The following ABCD2 variants were observed in gnomAD, a reference collection of about 807,000 sequenced individuals.
ABCD2 encodes ATP binding cassette subfamily D member 2.
ABCD2 carries 36 observed loss-of-function variants against 70.9 expected under a neutral mutation model. The observed-to-expected ratio is 0.51, with a 90% CI of 0.39 to 0.67. The LOEUF (loss-of-function observed/expected upper bound fraction) is 0.67, where lower values mean the gene tolerates loss of function less well. Ranked by LOEUF, ABCD2 falls within the 30% of genes least tolerant of loss-of-function variation. The probability of loss-of-function intolerance (pLI) is 0.00; values close to 1 mark genes in which losing one functional copy is unlikely to be tolerated. For synonymous variants in ABCD2, 304 were observed against 306.9 expected (o/e 0.99, Z 0.10); for missense variants, 729 against 890.2 (o/e 0.82, Z 2.30).
At chr12:39,597,736 G>A (rs1018448489) in intron 6 of ABCD2, among the ~76,000 whole-genome samples, 1 of 152,122 alleles carries the variant, frequency 6.6e-6, no homozygotes, top group Non-Finnish European at 1.5e-5. Context: ...ATTTAGAATG[G>A]TTAATCTACA....
chr12:39,568,531 A>AT (rs997429453), intron 9 of ABCD2, among the ~76,000 whole-genome samples: 5 of 151,608 alleles, frequency 3.3e-5, no homozygotes, highest in Non-Finnish European at 7.4e-5. Flanking sequence ...CATTCGTCTA[A>AT]TTTTTTTTCA....
At chr12:39,563,209 C>T (rs1941286747) in intron 9 of ABCD2, among the ~76,000 whole-genome samples, 1 of 152,120 alleles carries the variant, frequency 6.6e-6, no homozygotes, top group Admixed American at 6.6e-5. Context: ...AACATCTATA[C>T]TGAAAAGGGA....
chr12:39,589,995 T>C (rs1941723674), intron 6 of ABCD2, among the ~76,000 whole-genome samples: 1 of 152,188 alleles, frequency 6.6e-6, no homozygotes, highest in Non-Finnish European at 1.5e-5. Flanking sequence ...CACCACTGAA[T>C]TCTCTGGAAA....
chr12:39,613,905 A>G (rs188303421), intron 2 of ABCD2, among the ~76,000 whole-genome samples: 38 of 152,312 alleles, frequency 2.5e-4, no homozygotes, highest in Non-Finnish European at 5.0e-4. Context: ...CTGCAATAGA[A>G]TTATTTTTCC....
At chr12:39,600,503 C>T (rs575282304) in intron 6 of ABCD2, 68 bp downstream of exon 6, 1 of 1,363,930 alleles carries the variant, frequency 7.3e-7, no homozygotes, top group Non-Finnish European at 1.0e-6. Flanking sequence ...AACTGAGGAA[C>T]TTGAGGAATC....
intron 8 of ABCD2, among the ~76,000 whole-genome samples, chr12:39,576,663 A>T (rs1459923053): frequency 2.0e-5 from 3 of 152,230 alleles, no homozygotes; most frequent in Admixed American, 2.0e-4. Context: ...AAACACAAAA[A>T]TAATATTTAG....
intron 7 of ABCD2, 41 bp from the exon 8 acceptor site, chr12:39,579,660 GT>G: frequency 6.8e-7 from 1 of 1,462,326 alleles, no homozygotes. Context: ...TAAATCATTT[GT>G]TTAATTGTTA....
At chr12:39,566,176 A>G (rs1941343989) in intron 9 of ABCD2, among the ~76,000 whole-genome samples, 1 of 152,054 alleles carries the variant, frequency 6.6e-6, no homozygotes. Flanking sequence ...CTCTTTTTCT[A>G]TTTATTGGAA....
intron 9 of ABCD2, among the ~76,000 whole-genome samples, chr12:39,565,826 T>G (rs561855085): frequency 1.6e-4 from 25 of 152,170 alleles, no homozygotes; most frequent in South Asian, 8.3e-4. Context: ...TTATTGAGAG[T>G]TTTTAGCATG....
At chr12:39,561,679 A>C (rs908317561) in intron 9 of ABCD2, among the ~76,000 whole-genome samples, 9 of 152,186 alleles carry the variant, frequency 5.9e-5, no homozygotes, top group African/African-American at 2.2e-4. Flanking sequence ...ATTTGAACCC[A>C]ACATCAGAGC....
At chr12:39,573,354 A>AT (rs1566548142) in intron 9 of ABCD2, among the ~76,000 whole-genome samples, 1 of 151,762 alleles carries the variant, frequency 6.6e-6, no homozygotes, top group South Asian at 2.1e-4. Context: ...GTGTACATAT[A>AT]TTTTTTTCCC....
At chr12:39,592,352 A>G (rs1301359424) in intron 6 of ABCD2, among the ~76,000 whole-genome samples, 1 of 152,246 alleles carries the variant, frequency 6.6e-6, no homozygotes, top group Non-Finnish European at 1.5e-5. Context: ...TAGATTGCTC[A>G]TAATTAGTGT....
Position 39,601,544 on chromosome 12 carries a change from T to C in ABCD2, c.1501-828A>G, listed in dbSNP as rs77580499. Among the ~76,000 whole-genome samples the C allele has an allele frequency of 4.7e-4, 72 of 152,220 alleles. 1 individual carries two copies. The East Asian group carries it at 0.011, about 24-fold the overall frequency. On this transcript the variant is annotated intron_variant, in intron 5 of 9. Transcript: ENST00000308666. ...GGATGAAGAAGTTGTCTTATTATGG[T>C]ATTTAAAGGGTATTGTGAACAACAA...
chr12:39,539,100 TG>T, the ABCD2 span, among the ~76,000 whole-genome samples: 76 of 152,188 alleles, frequency 5.0e-4, 1 homozygote, highest in African/African-American at 1.7e-3. Context: ...TAAGATACTT[TG>T]ATATTTCAAA....
intron 2 of ABCD2, 47 bp downstream of exon 2, chr12:39,616,941 G>C (rs753035952): frequency 6.6e-7 from 1 of 1,504,522 alleles, no homozygotes; most frequent in African/African-American, 1.4e-5. Flanking sequence ...AACTTCAAAA[G>C]AAATAATGTT....
chr12:39,534,038 T>A, the ABCD2 span, among the ~76,000 whole-genome samples: 1 of 152,220 alleles, frequency 6.6e-6, no homozygotes, highest in Non-Finnish European at 1.5e-5. Flanking sequence ...TGTGATAGTA[T>A]TACTGTTTTT....
the ABCD2 span, among the ~76,000 whole-genome samples, chr12:39,535,463 C>A: frequency 6.6e-6 from 1 of 152,088 alleles, no homozygotes; most frequent in African/African-American, 2.4e-5. Flanking sequence ...CCATTAGTAT[C>A]AAAGGTAGTT....
At chr12:39,585,857 G>A (rs1941657081) in intron 7 of ABCD2, among the ~76,000 whole-genome samples, 1 of 152,048 alleles carries the variant, frequency 6.6e-6, no homozygotes, top group Non-Finnish European at 1.5e-5. Flanking sequence ...CATACATCTA[G>A]ACTGACAATG....
intron 3 of ABCD2, 77 bp downstream of exon 3, chr12:39,607,522 T>C (rs1283196544): frequency 8.3e-7 from 1 of 1,199,346 alleles, no homozygotes; most frequent in Non-Finnish European, 1.2e-6. Flanking sequence ...AAATACTAAG[T>C]ATACTTGGTA....
Sources: gnomAD v4.1 joint callset for allele counts (sites outside exome capture counted in the v4.1 genomes callset) on GRCh38, gnomAD v4.1.1 for gene constraint, MANE v1.5 for transcripts, NCBI Gene and HGNC (gene_info 2026-07-23, HGNC 2026-07-21) for gene names.